Variants in PCDH7 observed in about 807,000 individuals in gnomAD.
The protein encoded by PCDH7 is protocadherin 7, also known as protocadherin-7.
A neutral mutation model predicts 58.9 loss-of-function variants in PCDH7; 17 were observed. The observed-to-expected ratio is 0.29, with a 90% CI of 0.20 to 0.43. The LOEUF (loss-of-function observed/expected upper bound fraction) is 0.43, where lower values mean the gene tolerates loss of function less well. PCDH7 is among the 20% of genes least tolerant of loss of function. PCDH7 has a pLI of 1.00. For synonymous variants in PCDH7, 664 were observed against 616.4 expected, an observed-to-expected ratio of 1.08 and a Z score of -1.14; for missense variants, 1,274 against 1,441.0, an observed-to-expected ratio of 0.88 and a Z score of 1.88.
intron 1 of PCDH7, among the ~76,000 whole-genome samples, chr4:30,868,645 T>A (rs1735173197): frequency 6.6e-6 from 1 of 152,108 alleles, no homozygotes. Flanking sequence ...TATGTTTATG[T>A]AAGTGTGACT....
At chr4:30,949,181 A>G (rs10008420) in intron 2 of PCDH7, among the ~76,000 whole-genome samples, 64,570 of 152,052 alleles carry the variant, frequency 0.42, 17,044 homozygotes, top group African/African-American at 0.76. Flanking sequence ...ACTTTTCTTC[A>G]TAAAATACAC....
At chr4:31,054,019 C>T (rs1267501351) in intron 3 of PCDH7, among the ~76,000 whole-genome samples, 1 of 151,882 alleles carries the variant, frequency 6.6e-6, no homozygotes, top group African/African-American at 2.4e-5. Flanking sequence ...GAGTACTGTG[C>T]CATAGTCACA....
chr4:31,126,380 G>A (rs1190153510), intron 3 of PCDH7, among the ~76,000 whole-genome samples: 4 of 151,890 alleles, frequency 2.6e-5, no homozygotes, highest in East Asian at 1.9e-4. Flanking sequence ...GGCTGGTCTC[G>A]AACTCCTGGC....
At chr4:30,731,411 T>A (rs1715478306) in exon 2 of PCDH7, 1 of 152,266 alleles carries the variant, frequency 6.6e-6, no homozygotes, top group African/African-American at 2.4e-5. Flanking sequence ...AAAAATATTG[T>A]CTGTAAAACA....
chr4:30,969,110 G>T (rs1038037373), intron 3 of PCDH7, among the ~76,000 whole-genome samples: 16 of 152,180 alleles, frequency 1.1e-4, no homozygotes, highest in African/African-American at 3.9e-4. Context: ...TTCAGCTCCT[G>T]AGACAGGGCT....
chr4:30,886,874 C>CA (rs1331873576), intron 1 of PCDH7, among the ~76,000 whole-genome samples: 1 of 145,892 alleles, frequency 6.9e-6, no homozygotes, highest in Non-Finnish European at 1.5e-5. Flanking sequence ...ATTGCAAGAA[C>CA]AAAAAACCAA....
At chr4:31,032,848 A>C (rs958135971) in intron 3 of PCDH7, among the ~76,000 whole-genome samples, 2 of 152,174 alleles carry the variant, frequency 1.3e-5, no homozygotes, top group African/African-American at 2.4e-5. Context: ...TTTGTCATGA[A>C]ATGATGTTTT....
At chr4:30,728,161 AT>A (rs1714899412) in intron 1 of PCDH7, among the ~76,000 whole-genome samples, 1 of 151,516 alleles carries the variant, frequency 6.6e-6, no homozygotes, top group East Asian at 1.9e-4. Flanking sequence ...ATTTGGGAGA[AT>A]TTTTTAATTG....
At chr4:30,765,554 G>C (rs1243325027) in intron 1 of PCDH7, among the ~76,000 whole-genome samples, 1 of 152,182 alleles carries the variant, frequency 6.6e-6, no homozygotes, top group African/African-American at 2.4e-5. Context: ...TTTTAGCAGA[G>C]ACATTGGAGT....
At position 30,731,182 on chromosome 4, in the gene PCDH7, A is replaced by C. The variant is rs114396782; in HGVS notation, c.*394A>C. On this transcript the variant is annotated 3_prime_UTR_variant, in exon 2 of 2. Transcript: ENST00000361762. ...TATGTCTTTGTCTTTAATACATTAA[A>C]TACTGATTTTGAATAAAAATCTAAA... 2,725 of 983,478 alleles carry C rather than the reference A, an allele frequency of 2.8e-3. 52 individuals are homozygous for C. The African/African-American group carries it at 0.044, about 16-fold the overall frequency. The allele number at this position is 983,478 out of a possible 1,614,324, so 60.9% of individuals were successfully genotyped here. A position where few individuals can be genotyped will look rare whatever the true frequency, so the allele number is the denominator to read the frequency against.
Position 30,958,769 on chromosome 4 carries a change from A to G in PCDH7, c.*7+8554A>G, listed in dbSNP as rs573185170. Among the ~76,000 whole-genome samples, 7 of 152,174 alleles carry G rather than the reference A, an allele frequency of 4.6e-5. No individual in the cohort carries two copies. In the East Asian group the frequency reaches 7.7e-4, roughly 17 times the overall value. ...CAAGAAAAAGCAAACCAGTCATTTC[A>G]TAAATAAACTATTGCTATTATTGAA... is the stretch of plus-strand genomic sequence containing the variant. On this transcript the variant is annotated intron_variant, in intron 3 of 3. Coordinates refer to the PCDH7 transcript ENST00000509759.
intron 1 of PCDH7, among the ~76,000 whole-genome samples, chr4:30,777,173 C>T (rs1297259713): frequency 6.6e-6 from 1 of 152,094 alleles, no homozygotes; most frequent in African/African-American, 2.4e-5. Context: ...AAGTTAATTT[C>T]TCAGTTCCTG....
chr4:30,932,640 C>T (rs115171228), intron 2 of PCDH7, among the ~76,000 whole-genome samples: 4,032 of 152,172 alleles, frequency 0.026, 177 homozygotes, highest in African/African-American at 0.09. Context: ...TATGCACTCC[C>T]CATTGTCCTG....
At chr4:30,911,951 G>T (rs142237068) in intron 1 of PCDH7, among the ~76,000 whole-genome samples, 40 of 152,066 alleles carry the variant, frequency 2.6e-4, no homozygotes, top group African/African-American at 9.6e-4. Flanking sequence ...ACTGGACTAA[G>T]AATTATAATA....
intron 3 of PCDH7, among the ~76,000 whole-genome samples, chr4:31,077,440 A>AAAAAAAGG (rs1350110990): frequency 6.6e-6 from 1 of 151,850 alleles, no homozygotes; most frequent in Non-Finnish European, 1.5e-5. Context: ...AGAAAAAAAG[A>AAAAAAAGG]AAAAAAATAT....
At chr4:31,104,855 A>T (rs1715348042) in intron 3 of PCDH7, among the ~76,000 whole-genome samples, 1 of 152,200 alleles carries the variant, frequency 6.6e-6, no homozygotes, top group Non-Finnish European at 1.5e-5. Flanking sequence ...AACAAGAAGT[A>T]TGCCAACTGA....
intron 3 of PCDH7, among the ~76,000 whole-genome samples, chr4:30,969,601 C>T (rs1189078681): frequency 6.6e-6 from 1 of 151,940 alleles, no homozygotes; most frequent in Non-Finnish European, 1.5e-5. Context: ...TTCTAAGTCC[C>T]AGAGATCTAA....
intron 1 of PCDH7, among the ~76,000 whole-genome samples, chr4:30,815,499 T>A (rs1727559896): frequency 6.6e-6 from 1 of 152,156 alleles, no homozygotes; most frequent in Non-Finnish European, 1.5e-5. Context: ...TTCCAGGGTT[T>A]TCATTTGTAT....
At chr4:30,865,538 C>CCACCT (rs1282601171) in intron 1 of PCDH7, among the ~76,000 whole-genome samples, 1 of 152,012 alleles carries the variant, frequency 6.6e-6, no homozygotes, top group Non-Finnish European at 1.5e-5. Flanking sequence ...ATATTAAATA[C>CCACCT]CACCTCGTAA....
Sources: allele counts gnomAD v4.1 joint callset (sites outside exome capture counted in the v4.1 genomes callset), GRCh38; gene constraint gnomAD v4.1.1; transcripts MANE v1.5; gene names NCBI Gene and HGNC (gene_info 2026-07-23, HGNC 2026-07-21).